Variants in SLC43A2 observed in about 807,000 individuals in gnomAD.
SLC43A2 encodes solute carrier family 43 member 2.
A neutral mutation model predicts 63.2 loss-of-function variants in SLC43A2; 38 were observed. That is an observed-to-expected ratio of 0.60 (90% CI 0.46 to 0.79). The LOEUF is 0.79. Ranked by LOEUF, SLC43A2 falls within the 30% of genes least tolerant of loss-of-function variation. The probability of loss-of-function intolerance (pLI) is 0.00; values close to 1 mark genes in which losing one functional copy is unlikely to be tolerated. For missense variants in SLC43A2, 644 were observed against 756.2 expected, an observed-to-expected ratio of 0.85 and a Z score of 1.74; for synonymous variants, 322 against 331.0, an observed-to-expected ratio of 0.97 and a Z score of 0.30.
intron 9 of SLC43A2, chr17:1,586,928 T>TGGGGCCCCCCCCC: frequency 4.4e-5 from 54 of 1,232,606 alleles, no homozygotes; most frequent in Middle Eastern, 1.9e-4. Flanking sequence ...TCCCTGACAA[T>TGGGGCCCCCCCCC]CCCCCCCACC....
At chr17:1,615,842 C>CAATCAATAAATAAATA (rs1555544174) in intron 3 of SLC43A2, among the ~76,000 whole-genome samples, 2 of 118,840 alleles carry the variant, frequency 1.7e-5, no homozygotes, top group Non-Finnish European at 3.4e-5. Flanking sequence ...GACTCCATCT[C>CAATCAATAAATAAATA]AATAAATAAA....
rs932763308 is a variant in SLC43A2 at position 1,594,713 on chromosome 17, G to A, written c.502-1434C>T. ...CGCCATTCTCCTGCCTCAGCCTCCCGTGTAGCTGGGACTATAGGCGCCCGC... is the reference window on the plus strand; with the variant it reads ...CGCCATTCTCCTGCCTCAGCCTCCCATGTAGCTGGGACTATAGGCGCCCGC... On this transcript the variant is annotated intron_variant, in intron 5 of 13. Coordinates refer to ENST00000301335, the MANE Select transcript of SLC43A2 (RefSeq NM_152346.3). Among the ~76,000 whole-genome samples the A allele has an allele frequency of 2.1e-3, 305 of 148,488 alleles. 1 individual carries two copies. Among genetic ancestry groups the A allele is most frequent in the Non-Finnish European group, 3.3e-3 (222 of 67,218 alleles).
At chr17:1,625,619 A>G (rs1845324131) in intron 2 of SLC43A2, among the ~76,000 whole-genome samples, 1 of 152,212 alleles carries the variant, frequency 6.6e-6, no homozygotes, top group African/African-American at 2.4e-5. Context: ...CCTGAAAGAA[A>G]ACTGGTGATG....
intron 11 of SLC43A2, among the ~76,000 whole-genome samples, chr17:1,580,138 G>A (rs545820243): frequency 4.6e-5 from 7 of 152,096 alleles, no homozygotes; most frequent in African/African-American, 9.7e-5. Context: ...GGCTGGTCTC[G>A]AACTCCTGAC....
intron 9 of SLC43A2, among the ~76,000 whole-genome samples, chr17:1,589,160 C>T (rs1046839246): frequency 6.6e-6 from 1 of 152,176 alleles, no homozygotes; most frequent in Non-Finnish European, 1.5e-5. Flanking sequence ...TTTGAACATA[C>T]GAAACAGTTG....
At chr17:1,580,214 G>A (rs113542414) in intron 11 of SLC43A2, among the ~76,000 whole-genome samples, 3,633 of 152,278 alleles carry the variant, frequency 0.024, 161 homozygotes, top group African/African-American at 0.081. Flanking sequence ...CACCGTGCCC[G>A]GCCAGGCTTT....
chr17:1,589,620 G>T (rs1904556035), intron 9 of SLC43A2, among the ~76,000 whole-genome samples: 1 of 152,108 alleles, frequency 6.6e-6, no homozygotes, highest in East Asian at 1.9e-4. Context: ...GTGTTCCACA[G>T]ATATTTTTTT....
At chr17:1,586,942 CG>C (rs2076111941) in intron 9 of SLC43A2, 3 of 1,511,066 alleles carry the variant, frequency 2.0e-6, no homozygotes, top group Admixed American at 2.1e-5. Flanking sequence ...CCCCACCCCC[CG>C]CTTACCCGTG....
rs75406506 is a variant in SLC43A2, at chr17:1,575,397, C to G, written c.*207G>C. 0.043 allele frequency: 28,094 copies of G among 652,878 alleles called. 755 individuals carry two copies. The highest frequency in any genetic ancestry group is 0.054 in the Non-Finnish European group (20,811 of 388,478). 40.4% of individuals were successfully genotyped at this position (652,878 alleles called of 1,614,324 possible). On this transcript the variant is annotated 3_prime_UTR_variant, in exon 14 of 14. Transcript: ENST00000301335. ...CGGCAGAGCAAAGTCAGGGCAGCCC[C>G]TGCGTTCGGCAGGAGAAAACGCGCG...
In SLC43A2 at chr17:1,606,604, C is replaced by T. The variant is rs948182406; in HGVS notation, c.501+6591G>A. ...ACCCAGGCTCCGGGTTGGAGGGTGG[C>T]GACCCCAAGATGCGGCCTCAGCCGC... On this transcript the variant is annotated intron_variant, in intron 5 of 13. Coordinates refer to ENST00000301335, the MANE Select transcript of SLC43A2 (RefSeq NM_152346.3). This position sits in a 1 kb window ranked among gnomAD's most constrained non-coding sequence, Gnocchi z 4.7. Among the ~76,000 whole-genome samples the T allele has an allele frequency of 4.6e-5, 7 of 152,206 alleles. No individual in the cohort carries two copies. The highest frequency in any genetic ancestry group is 8.8e-5 in the Non-Finnish European group (6 of 68,036).
intron 11 of SLC43A2, among the ~76,000 whole-genome samples, chr17:1,582,086 G>T (rs7224876): frequency 0.031 from 4,105 of 132,776 alleles, 197 homozygotes; most frequent in African/African-American, 0.11. Context: ...GTTTTTTTTG[G>T]TTTTTTTTTC....
intron 1 of SLC43A2, 63 bp from the exon 2 acceptor site, chr17:1,627,983 G>A: frequency 7.9e-7 from 1 of 1,264,772 alleles, no homozygotes; most frequent in Non-Finnish European, 9.9e-7. Context: ...GCCCCCAGCA[G>A]CCCCGACCGC....
chr17:1,604,767 C>T, intron 5 of SLC43A2: 2 of 1,535,844 alleles, frequency 1.3e-6, no homozygotes, highest in Non-Finnish European at 1.7e-6. Context: ...GGCTGACCTC[C>T]CCATGGTCCA....
At chr17:1,620,640 C>T (rs1908071973) in intron 2 of SLC43A2, among the ~76,000 whole-genome samples, 1 of 152,056 alleles carries the variant, frequency 6.6e-6, no homozygotes, top group South Asian at 2.1e-4. Flanking sequence ...GCGCCTGGGG[C>T]CGGGGAGGTG....
At chr17:1,589,161 G>A (rs1051480980) in intron 9 of SLC43A2, among the ~76,000 whole-genome samples, 13 of 152,158 alleles carry the variant, frequency 8.5e-5, no homozygotes, top group Admixed American at 3.3e-4. Flanking sequence ...TTGAACATAC[G>A]AAACAGTTGG....
At chr17:1,619,742 C>T (rs1907983426) in intron 2 of SLC43A2, among the ~76,000 whole-genome samples, 1 of 152,172 alleles carries the variant, frequency 6.6e-6, no homozygotes, top group Non-Finnish European at 1.5e-5. Flanking sequence ...GAAAGAGGGT[C>T]TCTACAAAGC....
chr17:1,590,611 C>T (rs1471470139), intron 9 of SLC43A2, among the ~76,000 whole-genome samples, 191 bp downstream of exon 9: 1 of 152,208 alleles, frequency 6.6e-6, no homozygotes, highest in African/African-American at 2.4e-5. Context: ...GACCAGGAAA[C>T]CCTGATGGGG....
At chr17:1,603,550 C>T (rs528278053) in intron 5 of SLC43A2, among the ~76,000 whole-genome samples, 59 of 151,746 alleles carry the variant, frequency 3.9e-4, no homozygotes, top group African/African-American at 1.2e-3. Flanking sequence ...TTTGGGAGGC[C>T]GAGGCAGGGG....
rs1283857623 is a variant in SLC43A2 at position 1,590,927 on chromosome 17, C to T, written c.953G>A (p.Ser318Asn). 6.4e-7 allele frequency: 1 copy of T among 1,551,094 alleles called. No homozygotes were observed. Among genetic ancestry groups the T allele is most frequent in the East Asian group, 2.4e-5 (1 of 41,048 alleles). ...DAAVAPSFMH[S>N]VFSPILLLSL... Reference sequence around the variant, plus strand: ...GAGCAGCAGGATGGGGCTGAACACGCTGTGCATGAAGGAGGGGGCCACTGC... The same window carrying T: ...GAGCAGCAGGATGGGGCTGAACACGTTGTGCATGAAGGAGGGGGCCACTGC... The change falls in exon 9 of 14, where the codon AGC becomes AAC. Residue 318 changes from serine (S) to asparagine (N), a missense_variant. This residue lies in a region of SLC43A2 where 528 missense variants were observed against 623.6 expected (regional missense o/e 0.85). Transcript: ENST00000301335.
Sources: gnomAD v4.1 joint callset for allele counts (sites outside exome capture counted in the v4.1 genomes callset) on GRCh38, gnomAD v4.1.1 for gene constraint, gnomAD v4.1.1 regional missense constraint, Gnocchi (gnomAD v3.1) non-coding constraint, MANE v1.5 for transcripts, NCBI Gene and HGNC (gene_info 2026-07-23, HGNC 2026-07-21) for gene names.